PCSK4: variants seen among roughly 807,000 people sequenced by gnomAD.
PCSK4 encodes the protein testicular tissue protein Li 135.
PCSK4 carries 64 observed loss-of-function variants against 80.3 expected under a neutral mutation model. The ratio of observed to expected loss-of-function variants is 0.80; its 90% CI spans 0.65 to 0.98. PCSK4 has a LOEUF of 0.98. Among genes scored for constraint, PCSK4 ranks in the 50% least tolerant of loss-of-function variants. The pLI, the probability that PCSK4 is intolerant of heterozygous loss-of-function variation, is 0.00. For missense variants in PCSK4, 1,213 were observed against 1,093.6 expected (o/e 1.11, Z -1.54); for synonymous variants, 561 against 487.6 (o/e 1.15, Z -1.98).
chr19:1,482,882 C>G lies in PCSK4; in HGVS notation c.1696+14G>C. ...AGCCAAGCCCCGCCCACCACAGCCC[C>G]GCCCCGCCCTCACCCGTGTTGAAAT... On this transcript the variant is annotated intron_variant, in intron 13 of 14. Transcript: ENST00000300954. 6.2e-7 allele frequency: 1 copy of G among 1,610,422 alleles called. No individual in the cohort carries two copies. Among genetic ancestry groups the G allele is most frequent in the Non-Finnish European group, 8.5e-7 (1 of 1,177,640 alleles).
At chr19:1,482,307 G>T in intron 14 of PCSK4, 46 bp downstream of exon 14, 2 of 1,533,078 alleles carry the variant, frequency 1.3e-6, no homozygotes, top group Non-Finnish European at 1.7e-6. Context: ...GCCCACGGTG[G>T]CCGCCACCGC....
chr19:1,481,835 A>T, exon 15 of PCSK4: 1 of 1,556,130 alleles, frequency 6.4e-7, no homozygotes, highest in Non-Finnish European at 8.7e-7. Flanking sequence ...GTATAGTGGG[A>T]GGTCCATGGA....
chr19:1,486,586 G>C (rs1176857508), intron 8 of PCSK4, among the ~76,000 whole-genome samples: 1 of 151,902 alleles, frequency 6.6e-6, no homozygotes, highest in Admixed American at 6.6e-5. Context: ...GTCAGCCACC[G>C]TGCCTGGCCT....
At chr19:1,490,283 G>A (rs1206294359) in exon 1 of PCSK4, 7 of 1,592,006 alleles carry the variant, frequency 4.4e-6, no homozygotes, top group Non-Finnish European at 6.0e-6. Context: ...CCCACAGCCC[G>A]GGGGCGGACA....
At chr19:1,482,780 T>G in intron 13 of PCSK4, 116 bp downstream of exon 13, 3 of 1,140,096 alleles carry the variant, frequency 2.6e-6, no homozygotes, top group Non-Finnish European at 3.8e-6. Flanking sequence ...CATGTTCTCT[T>G]GGAGAAGGCC....
exon 4 of PCSK4, chr19:1,488,030 C>G: frequency 6.2e-7 from 1 of 1,613,540 alleles, no homozygotes. Context: ...CCACGATGCC[C>G]TGGCCTGACA....
Position 1,482,877 on chromosome 19 carries a change from A to AGCCCC in PCSK4, c.1696+14_1696+18dup. On this transcript the variant is annotated intron_variant, in intron 13 of 14. Coordinates refer to ENST00000300954, the Ensembl canonical transcript of PCSK4. ...TGGAGAGCCAAGCCCCGCCCACCAC[A>AGCCCC]GCCCCGCCCCGCCCTCACCCGTGTT... is the stretch of plus-strand genomic sequence containing the variant. 6.4e-7 allele frequency: 1 copy of AGCCCC among 1,564,888 alleles called. No individual in the cohort carries two copies. The highest frequency in any genetic ancestry group is 2.3e-5 in the East Asian group (1 of 44,024).
At chr19:1,487,002 T>G in exon 8 of PCSK4, 1 of 1,609,708 alleles carries the variant, frequency 6.2e-7, no homozygotes, top group Non-Finnish European at 8.5e-7. Context: ...CAGTTGCAGT[T>G]GTCGTAGTGC....
rs148924701 is a variant in PCSK4, at chr19:1,487,963, C to T, written c.516+1G>A. On this transcript the variant is annotated splice_donor_variant, in intron 4 of 14. Transcript: ENST00000300954. LOFTEE classifies it high-confidence loss of function. ...TCGCCCACAGCCACCCGCGGTCTCA[C>T]GTAGTTGGCCCAGAGGTCCGGGTGG... 2.4e-5 allele frequency: 39 copies of T among 1,609,888 alleles called. No individual in the cohort carries two copies. The highest frequency in any genetic ancestry group is 2.9e-5 in the Non-Finnish European group (34 of 1,177,558).
exon 15 of PCSK4, chr19:1,481,612 C>T (rs1436215371): frequency 1.3e-5 from 7 of 529,264 alleles, no homozygotes; most frequent in Non-Finnish European, 2.3e-5. Flanking sequence ...TCCCGCCAGG[C>T]TTCGGGGTTC....
exon 15 of PCSK4, chr19:1,481,762 G>C (rs1388230676): frequency 6.6e-7 from 1 of 1,508,430 alleles, no homozygotes; most frequent in South Asian, 1.3e-5. Context: ...GACAACTTCA[G>C]GTTCCAGCTG....
exon 1 of PCSK4, chr19:1,490,213 C>T (rs2084873947): frequency 6.2e-7 from 1 of 1,613,230 alleles, no homozygotes. Context: ...CTCCCGGTTA[C>T]CCTGGGACAC....
chr19:1,487,895 G>A (rs991065713), intron 4 of PCSK4, 34 bp from the exon 5 acceptor site: 2 of 1,565,688 alleles, frequency 1.3e-6, no homozygotes, highest in Non-Finnish European at 1.7e-6. Flanking sequence ...GGGGCCGGGA[G>A]GCGTCCCTAG....
rs762126163 is a variant in PCSK4, at chr19:1,486,871, C to T, written c.1050G>A (p.Val350=). 87 of 1,598,108 alleles carry T rather than the reference C, an allele frequency of 5.4e-5. No homozygotes were observed. Among genetic ancestry groups the T allele is most frequent in the Non-Finnish European group, 6.9e-5 (81 of 1,179,278 alleles). Residue 350 remains valine (V), a synonymous_variant, in exon 8 of 15, where the codon GTG becomes GTA. Transcript: ENST00000300954. Reference sequence around the variant, plus strand: ...CACTCACGATCTGGGGGTCGGTGGCCACGCCGCTGCTGTAGGTGGTGGTGA... The same window carrying T: ...CACTCACGATCTGGGGGTCGGTGGCTACGCCGCTGCTGTAGGTGGTGGTGA...
rs762023672 is a variant in PCSK4 at position 1,487,156 on chromosome 19, C to T, written c.840G>A (p.Arg280=). 4 of 1,605,816 alleles carry T rather than the reference C, an allele frequency of 2.5e-6. No individual in the cohort carries two copies. The East Asian group carries it at 6.7e-5, about 27-fold the overall frequency. ...TGCCACTCACCTTGGTCACACCACGCCGGAAGGCCTCGCGGGTGAGGATGC... is the reference window on the plus strand; with the variant it reads ...TGCCACTCACCTTGGTCACACCACGTCGGAAGGCCTCGCGGGTGAGGATGC... The change falls in exon 7 of 15, where the codon CGG becomes CGA. Residue 280 remains arginine (R), a synonymous_variant. Transcript: ENST00000300954.
At chr19:1,483,680 T>C (rs1277005135) in exon 11 of PCSK4, 12 of 1,596,130 alleles carry the variant, frequency 7.5e-6, no homozygotes, top group Non-Finnish European at 1.0e-5. Context: ...GACGGCGCAC[T>C]TCCTCTGCGG....
chr19:1,487,173 T>C, exon 7 of PCSK4: 2 of 1,607,276 alleles, frequency 1.2e-6, no homozygotes, highest in Admixed American at 1.7e-5. Flanking sequence ...GCCTCGCGGG[T>C]GAGGATGCCG....
intron 8 of PCSK4, among the ~76,000 whole-genome samples, chr19:1,486,030 T>C (rs1423755260): frequency 6.6e-6 from 1 of 152,124 alleles, no homozygotes; most frequent in East Asian, 1.9e-4. Flanking sequence ...TGGAGTGCAG[T>C]GGTGCAATCT....
At chr19:1,490,326 C>A in exon 1 of PCSK4, 1 of 1,400,358 alleles carries the variant, frequency 7.1e-7, no homozygotes, top group Non-Finnish European at 9.7e-7. Flanking sequence ...GCAGCCACAG[C>A]GCAATCGGGG....
Sources: allele counts gnomAD v4.1 joint callset (sites outside exome capture counted in the v4.1 genomes callset), GRCh38; gene constraint gnomAD v4.1.1; transcripts MANE v1.5; gene names NCBI Gene and HGNC (gene_info 2026-07-23, HGNC 2026-07-21).